The following MEI4 variants were observed in gnomAD, a reference collection of about 807,000 sequenced individuals.
The protein encoded by MEI4 is meiotic double-stranded break formation protein 4.
Under a neutral mutation model 31.4 loss-of-function variants are expected in MEI4, and 27 were observed. The observed-to-expected ratio is 0.86, with a 90% CI of 0.63 to 1.19. The LOEUF is 1.19. Among genes scored for constraint, MEI4 ranks in the 50% most tolerant of loss-of-function variants. The pLI, the probability that MEI4 is intolerant of heterozygous loss-of-function variation, is 0.00. For missense variants in MEI4, 329 were observed against 398.9 expected, an observed-to-expected ratio of 0.82 and a Z score of 1.49; for synonymous variants, 122 against 145.4, an observed-to-expected ratio of 0.84 and a Z score of 1.16.
intron 3 of MEI4, among the ~76,000 whole-genome samples, chr6:77,804,186 C>T (rs11970371): frequency 0.14 from 21,756 of 152,082 alleles, 1,697 homozygotes; most frequent in East Asian, 0.27. Flanking sequence ...CGCCCCTCCC[C>T]CAGCCTCGCT....
intron 4 of MEI4, among the ~76,000 whole-genome samples, chr6:77,872,604 A>C (rs1455381859): frequency 6.6e-6 from 1 of 151,070 alleles, no homozygotes; most frequent in Non-Finnish European, 1.5e-5. Context: ...TTATACTTTA[A>C]GTTTTAGGGT....
At chr6:77,896,991 C>T (rs558099905) in intron 4 of MEI4, among the ~76,000 whole-genome samples, 58 of 152,094 alleles carry the variant, frequency 3.8e-4, no homozygotes, top group African/African-American at 1.3e-3. Context: ...AACGTGTATA[C>T]TCCTATGCTG....
rs758378834 is a variant in MEI4, at chr6:77,746,636, GGCGT to G, written c.233-14492_233-14489del. Reference sequence around the variant, plus strand: ...CTTAAGTCAGTTTCTTAAAATATATGGCGTGTGTGTGTGTGTGTGTGTGTGTGTG... The same window carrying G: ...CTTAAGTCAGTTTCTTAAAATATATGGTGTGTGTGTGTGTGTGTGTGTGTG... On this transcript the variant is annotated intron_variant, in intron 2 of 4. Coordinates refer to ENST00000684080, the MANE Select transcript of MEI4 (RefSeq NM_001322247.2). 1.6e-3 allele frequency among the ~76,000 whole-genome samples: 183 copies of G among 115,170 alleles called. 1 individual carries two copies. Among genetic ancestry groups the G allele is most frequent in the African/African-American group, 4.1e-3 (110 of 26,824 alleles). The allele number at this position is 115,170 out of a possible 152,430, so 75.6% of individuals were successfully genotyped here. A position where few individuals can be genotyped will look rare whatever the true frequency, so the allele number is the denominator to read the frequency against.
At chr6:77,803,430 G>C (rs983434285) in intron 3 of MEI4, among the ~76,000 whole-genome samples, 2 of 151,984 alleles carry the variant, frequency 1.3e-5, no homozygotes, top group Non-Finnish European at 2.9e-5. Flanking sequence ...TCCTCCTTTA[G>C]CTCAGAGTAG....
chr6:77,761,765 G>A (rs994229353), intron 3 of MEI4, 100 bp downstream of exon 3: 34 of 804,248 alleles, frequency 4.2e-5, no homozygotes, highest in Non-Finnish European at 5.5e-5. Flanking sequence ...TGTGGCTCAA[G>A]GAATCCCTTA....
intron 3 of MEI4, among the ~76,000 whole-genome samples, chr6:77,822,314 A>G (rs1769845108): frequency 6.6e-6 from 1 of 152,196 alleles, no homozygotes; most frequent in South Asian, 2.1e-4. Flanking sequence ...GTGAAGTTTC[A>G]TATTAACCTA....
chr6:77,689,617 C>T (rs930954277), intron 1 of MEI4, among the ~76,000 whole-genome samples: 21 of 151,884 alleles, frequency 1.4e-4, no homozygotes, highest in Admixed American at 1.3e-4. Context: ...CAGGGCATCA[C>T]GGCAGTGGAA....
In MEI4 at chr6:77,796,574, A is replaced by T. The variant is rs200160371; in HGVS notation, c.769-32357A>T. 3.3e-5 allele frequency among the ~76,000 whole-genome samples: 5 copies of T among 152,284 alleles called. No individual in the cohort carries two copies. In the East Asian group the frequency reaches 9.6e-4, roughly 29 times the overall value. On this transcript the variant is annotated intron_variant, in intron 3 of 4. Coordinates refer to ENST00000684080, the MANE Select transcript of MEI4 (RefSeq NM_001322247.2). The stretch of plus-strand genomic sequence containing the variant: ...GTGTGCTTCTATACACTAACAACAA[A>T]CTATCTGAAAAATACATCAAGGAAG...
At chr6:77,916,038 C>T (rs1416297187) in intron 4 of MEI4, among the ~76,000 whole-genome samples, 1 of 151,740 alleles carries the variant, frequency 6.6e-6, no homozygotes. Context: ...TCTGCTTGAC[C>T]TAGTTGATTG....
intron 2 of MEI4, among the ~76,000 whole-genome samples, chr6:77,721,943 A>G (rs1766717131): frequency 7.6e-6 from 1 of 131,304 alleles, no homozygotes; most frequent in African/African-American, 2.8e-5. Flanking sequence ...CAGTCTGAAA[A>G]CTTTAACTGG....
chr6:77,911,164 T>C (rs1435423265), intron 4 of MEI4, among the ~76,000 whole-genome samples: 1 of 152,136 alleles, frequency 6.6e-6, no homozygotes, highest in African/African-American at 2.4e-5. Flanking sequence ...CTCTGGATAT[T>C]AGTCCATTTA....
rs746105623 is a variant in MEI4, at chr6:77,811,905, A to AT, written c.769-17022dup. On this transcript the variant is annotated intron_variant, in intron 3 of 4. Transcript: ENST00000684080. ...CTATACTTAGCTGTTTTATTTTCTA[A>AT]TTTTGGATATTCACAATAACTATAT... Among the ~76,000 whole-genome samples the AT allele has an allele frequency of 1.2e-3, 189 of 152,268 alleles. 3 individuals carry two copies. Among genetic ancestry groups the AT allele is most frequent in the Non-Finnish European group, 5.1e-4 (35 of 68,012 alleles).
rs140969997 is a variant in MEI4 at position 77,680,391 on chromosome 6, G to C, written c.-14-10267G>C. ...TCGCATGGATCTTATGAATTGATGGGTTTTCAGTGGAGAAGAGCAACTTCT... is the reference window on the plus strand; with the variant it reads ...TCGCATGGATCTTATGAATTGATGGCTTTTCAGTGGAGAAGAGCAACTTCT... On this transcript the variant is annotated intron_variant, in intron 1 of 4. Transcript: ENST00000684080. Among the ~76,000 whole-genome samples, 604 of 152,186 alleles carry C rather than the reference G, an allele frequency of 4.0e-3. 6 individuals are homozygous for C. The highest frequency in any genetic ancestry group is 0.014 in the African/African-American group (587 of 41,512).
chr6:77,696,432 A>C (rs1368859492), intron 2 of MEI4, among the ~76,000 whole-genome samples: 1 of 152,192 alleles, frequency 6.6e-6, no homozygotes, highest in Non-Finnish European at 1.5e-5. Context: ...ATTTTGAGGT[A>C]CGTCCCATCA....
chr6:77,904,431 T>A (rs1210447775), intron 4 of MEI4, among the ~76,000 whole-genome samples: 1 of 152,118 alleles, frequency 6.6e-6, no homozygotes, highest in African/African-American at 2.4e-5. Flanking sequence ...TAGTACTCAA[T>A]AGGTAGTTTT....
chr6:77,923,468 A>G lies in MEI4; in HGVS notation c.*122A>G, dbSNP rs1766759932. On this transcript the variant is annotated 3_prime_UTR_variant, in exon 5 of 5. Transcript: ENST00000684080. ...ATTTTAGAATTGATCTCTAAATATA[A>G]TTATCAATTCAACTTAATGGTTAGT... 6.3e-6 allele frequency: 5 copies of G among 792,234 alleles called. No homozygotes were observed. The highest frequency in any genetic ancestry group is 8.5e-6 in the Non-Finnish European group (5 of 589,538). 49.1% of individuals were successfully genotyped at this position (792,234 alleles called of 1,614,324 possible). A position where few individuals can be genotyped will look rare whatever the true frequency, so the allele number is the denominator to read the frequency against.
intron 3 of MEI4, among the ~76,000 whole-genome samples, chr6:77,798,259 GAA>G (rs953488878): frequency 8.0e-5 from 12 of 150,710 alleles, no homozygotes; most frequent in Non-Finnish European, 1.2e-4. Flanking sequence ...AAATAAATGA[GAA>G]AAAATGAAAA....
In MEI4 at chr6:77,729,923, G is replaced by A. The variant is rs562061359; in HGVS notation, c.233-31207G>A. Among the ~76,000 whole-genome samples the A allele has an allele frequency of 2.6e-5, 4 of 152,262 alleles. No individual in the cohort carries two copies. In the South Asian group the frequency reaches 8.3e-4, roughly 32 times the overall value. ...ATGGTAGAAATGAATATCAACCTGAGTTGCCTAGCAAGGGAGGCTCGGGAG... is the reference window on the plus strand; with the variant it reads ...ATGGTAGAAATGAATATCAACCTGAATTGCCTAGCAAGGGAGGCTCGGGAG... On this transcript the variant is annotated intron_variant, in intron 2 of 4. Coordinates refer to ENST00000684080, the MANE Select transcript of MEI4 (RefSeq NM_001322247.2).
intron 2 of MEI4, among the ~76,000 whole-genome samples, chr6:77,732,794 T>C (rs936358685): frequency 7.9e-5 from 12 of 152,194 alleles, no homozygotes; most frequent in African/African-American, 2.9e-4. Context: ...TATTTTGAAA[T>C]ACGTCCCATC....
Sources: allele counts gnomAD v4.1 joint callset (sites outside exome capture counted in the v4.1 genomes callset), GRCh38; gene constraint gnomAD v4.1.1; transcripts MANE v1.5; gene names NCBI Gene and HGNC (gene_info 2026-07-23, HGNC 2026-07-21).